PGRMC2: variants seen among roughly 807,000 people sequenced by gnomAD.
PGRMC2 encodes the protein progesterone receptor membrane component 2.
A neutral mutation model predicts 19.3 loss-of-function variants in PGRMC2; 9 were observed. That is an observed-to-expected ratio of 0.47 (90% confidence interval 0.28 to 0.81). PGRMC2 has a LOEUF of 0.81. Among genes scored for constraint, PGRMC2 ranks in the 40% least tolerant of loss-of-function variants. The pLI, the probability that PGRMC2 is intolerant of heterozygous loss-of-function variation, is 0.11. For synonymous variants in PGRMC2, 157 were observed against 124.6 expected (o/e 1.26, Z -1.73); for missense variants, 289 against 297.3 (o/e 0.97, Z 0.21).
At chr4:128,274,718 C>T (rs114449833) in intron 1 of PGRMC2, among the ~76,000 whole-genome samples, 7,438 of 151,982 alleles carry the variant, frequency 0.049, 620 homozygotes, top group African/African-American at 0.17. Flanking sequence ...ATTATATTTA[C>T]CCTTAATGCT....
chr4:128,277,394 G>C (rs891469574), intron 1 of PGRMC2, among the ~76,000 whole-genome samples: 5 of 152,150 alleles, frequency 3.3e-5, no homozygotes, highest in Admixed American at 2.6e-4. Context: ...ATTGTAAAAT[G>C]TTTTAAATAT....
chr4:128,277,302 T>C (rs1315377508), intron 1 of PGRMC2, among the ~76,000 whole-genome samples: 1 of 152,260 alleles, frequency 6.6e-6, no homozygotes, highest in Admixed American at 6.5e-5. Context: ...ACCTATTTGT[T>C]ACCGTATCCT....
At chr4:128,286,129 TAAATTAAGGAGAAAACCAG>T (rs1760979218) in intron 1 of PGRMC2, among the ~76,000 whole-genome samples, 1 of 139,072 alleles carries the variant, frequency 7.2e-6, no homozygotes, top group Admixed American at 7.6e-5. Flanking sequence ...ACCTACAGAT[TAAATTAAGGAGAAAACCAG>T]CTTACTTCCA....
At chr4:128,278,595 C>T (rs1416687500) in intron 1 of PGRMC2, among the ~76,000 whole-genome samples, 1 of 151,872 alleles carries the variant, frequency 6.6e-6, no homozygotes, top group African/African-American at 2.4e-5. Flanking sequence ...CACCCACCAC[C>T]CCACCAAATT....
At chr4:128,271,494 G>A in intron 2 of PGRMC2, 81 bp from the exon 3 acceptor site, 1 of 662,032 alleles carries the variant, frequency 1.5e-6, no homozygotes, top group Non-Finnish European at 2.7e-6. Context: ...GCATTTGTCT[G>A]TTTTAGAATC....
chr4:128,274,467 T>C (rs1431130154), intron 1 of PGRMC2, among the ~76,000 whole-genome samples: 2 of 140,950 alleles, frequency 1.4e-5, no homozygotes, highest in Non-Finnish European at 3.0e-5. Context: ...GTTGAGATCA[T>C]GCCACTGCAC....
chr4:128,287,161 T>G, intron 1 of PGRMC2: 6 of 474,018 alleles, frequency 1.3e-5, no homozygotes, highest in South Asian at 1.2e-4. Flanking sequence ...GGGACCCTGG[T>G]TTCGGGGGAA....
At position 128,272,399 on chromosome 4, in the gene PGRMC2, T is replaced by C. The variant is rs368276040; in HGVS notation, c.537A>G (p.Gln179=). ...YDDLSDLNAV[Q]MESVREWEMQ... Reference sequence around the variant, plus strand: ...TTTCCCATTCTCGAACACTCTCCATTTGTACTGCATTCAAATCTGAGAGAT... The same window carrying C: ...TTTCCCATTCTCGAACACTCTCCATCTGTACTGCATTCAAATCTGAGAGAT... The change falls in exon 2 of 3, where the codon CAA becomes CAG. Residue 179 remains glutamine, a synonymous_variant. Transcript: ENST00000296425. 3 of 1,568,636 alleles carry C rather than the reference T, an allele frequency of 1.9e-6. No individual in the cohort carries two copies. In the African/African-American group the frequency reaches 4.1e-5, roughly 22 times the overall value.
At chr4:128,287,260 TC>T (rs1180055449) in intron 1 of PGRMC2, 112 bp downstream of exon 1, 5 of 1,252,092 alleles carry the variant, frequency 4.0e-6, no homozygotes, top group Non-Finnish European at 5.4e-6. Flanking sequence ...GGCGCGGGGG[TC>T]CCGGAGACGA....
chr4:128,272,194 AC>A (rs766943631), intron 2 of PGRMC2, among the ~76,000 whole-genome samples, 167 bp downstream of exon 2: 12 of 152,218 alleles, frequency 7.9e-5, no homozygotes, highest in East Asian at 5.8e-4. Flanking sequence ...AGCTAGGACC[AC>A]AGGCATGTGC....
rs1014694059 is a variant in PGRMC2, at chr4:128,269,930, G to C, written c.*1386C>G. The C allele has an allele frequency of 6.6e-6, 1 of 152,548 alleles. No individual in the cohort carries two copies. The highest frequency in any genetic ancestry group is 1.5e-5 in the Non-Finnish European group (1 of 68,022). The allele number at this position is 152,548 out of a possible 1,614,324, so 9.4% of individuals were successfully genotyped here. ...ACATTTAATATACCAATTCTTACCT[G>C]AATAATCTTGGATTTCTGGAGAATG... On this transcript the variant is annotated 3_prime_UTR_variant, in exon 3 of 3. Coordinates refer to ENST00000296425, the MANE Select transcript of PGRMC2 (RefSeq NM_006320.6).
intron 1 of PGRMC2, among the ~76,000 whole-genome samples, chr4:128,280,353 GAAAAAAAAAAA>G (rs11425107): frequency 4.1e-5 from 5 of 120,556 alleles, no homozygotes; most frequent in African/African-American, 1.7e-4. Context: ...AATTTTCTGG[GAAAAAAAAAAA>G]AAAAAAAAAA....
chr4:128,280,892 G>A (rs974382832), intron 1 of PGRMC2, among the ~76,000 whole-genome samples: 8 of 152,232 alleles, frequency 5.3e-5, no homozygotes, highest in South Asian at 2.1e-4. Context: ...GAGCCACTGC[G>A]CCTGGCCCAA....
rs1204241113 is a variant in PGRMC2 at position 128,269,714 on chromosome 4, C to A, written c.*1602G>T. 3 of 152,142 alleles carry A rather than the reference C, an allele frequency of 2.0e-5. No homozygotes were observed. The highest frequency in any genetic ancestry group is 2.9e-5 in the Non-Finnish European group (2 of 68,022). 9.4% of individuals were successfully genotyped at this position (152,142 alleles called of 1,614,324 possible). On this transcript the variant is annotated 3_prime_UTR_variant, in exon 3 of 3. Transcript: ENST00000296425. ...AGTGAACTTGTCCCCAGCCCGGAAC[C>A]TAAGTAGTCATAATGAAATAAAGTA...
At chr4:128,274,149 A>G (rs1387501559) in intron 1 of PGRMC2, among the ~76,000 whole-genome samples, 1 of 152,240 alleles carries the variant, frequency 6.6e-6, no homozygotes, top group Admixed American at 6.5e-5. Context: ...TGTCTTCTAT[A>G]TAAGAATATG....
chr4:128,280,330 A>C, intron 1 of PGRMC2, among the ~76,000 whole-genome samples: 1 of 146,308 alleles, frequency 6.8e-6, no homozygotes, highest in Non-Finnish European at 1.5e-5. Context: ...GGAAGAGGCA[A>C]TAAGTAACAG....
chr4:128,270,378 A>C lies in PGRMC2; in HGVS notation c.*938T>G, dbSNP rs41300349. On this transcript the variant is annotated 3_prime_UTR_variant, in exon 3 of 3. Coordinates refer to ENST00000296425, the MANE Select transcript of PGRMC2 (RefSeq NM_006320.6). Reference sequence around the variant, plus strand: ...AAAACAGAAAAGCATGGGGGAATGCATTTGGCCATTACAATGCTAATTGAG... The same window carrying C: ...AAAACAGAAAAGCATGGGGGAATGCCTTTGGCCATTACAATGCTAATTGAG... 2.0e-5 allele frequency: 3 copies of C among 152,716 alleles called. No homozygotes were observed. The highest frequency in any genetic ancestry group is 7.2e-5 in the African/African-American group (3 of 41,562). 9.5% of individuals were successfully genotyped at this position (152,716 alleles called of 1,614,324 possible).
Position 128,269,743 on chromosome 4 carries a change from G to T in PGRMC2, c.*1573C>A, listed in dbSNP as rs1760697935. ...GTAGTCATAATGAAATAAAGTAATTGATATATGAGGGGCTTTTAGTAAGGG... is the reference window on the plus strand; with the variant it reads ...GTAGTCATAATGAAATAAAGTAATTTATATATGAGGGGCTTTTAGTAAGGG... On this transcript the variant is annotated 3_prime_UTR_variant, in exon 3 of 3. Transcript: ENST00000296425. 6.6e-6 allele frequency: 1 copy of T among 152,124 alleles called. No individual in the cohort carries two copies. The allele number at this position is 152,124 out of a possible 1,614,324, so 9.4% of individuals were successfully genotyped here.
chr4:128,274,815 AC>A (rs1324983655), intron 1 of PGRMC2, among the ~76,000 whole-genome samples: 1 of 152,242 alleles, frequency 6.6e-6, no homozygotes, highest in East Asian at 1.9e-4. Context: ...ATAACAATCT[AC>A]AAATGGAAAA....
Sources: allele counts gnomAD v4.1 joint callset (sites outside exome capture counted in the v4.1 genomes callset), GRCh38; gene constraint gnomAD v4.1.1; transcripts MANE v1.5; gene names NCBI Gene and HGNC (gene_info 2026-07-23, HGNC 2026-07-21).